TG: variants seen among roughly 807,000 people sequenced by gnomAD.
TG encodes the protein thyroid hormones.
In TG, 270 loss-of-function variants were observed where a neutral mutation model predicts 324.7. The ratio of observed to expected loss-of-function variants is 0.83; its 90% CI spans 0.75 to 0.92. TG has a LOEUF of 0.92. Among genes scored for constraint, TG ranks in the 40% least tolerant of loss-of-function variants. The pLI, the probability that TG is intolerant of heterozygous loss-of-function variation, is 0.00. For missense variants in TG, 3,591 were observed against 3,456.4 expected, an observed-to-expected ratio of 1.04 and a Z score of -0.98; for synonymous variants, 1,401 against 1,327.0, an observed-to-expected ratio of 1.06 and a Z score of -1.21.
At chr8:132,974,766 A>G (rs2091036) in intron 34 of TG, among the ~76,000 whole-genome samples, 24,890 of 152,230 alleles carry the variant, frequency 0.16, 2,559 homozygotes, top group Middle Eastern at 0.31. Context: ...GCCTTGTTCC[A>G]TAGCCATATC....
At chr8:133,060,265 C>A (rs763320026) in intron 41 of TG, 3 of 1,606,302 alleles carry the variant, frequency 1.9e-6, no homozygotes, top group Non-Finnish European at 2.6e-6. Flanking sequence ...GGAGAATGAC[C>A]CAGTTTAGAG....
intron 26 of TG, among the ~76,000 whole-genome samples, chr8:132,947,311 G>A (rs1825461507): frequency 6.6e-6 from 1 of 152,144 alleles, no homozygotes; most frequent in Admixed American, 6.5e-5. Flanking sequence ...TTGATACCTA[G>A]AAATGAGCAT....
At chr8:133,068,410 T>G (rs1242177969) in intron 41 of TG, among the ~76,000 whole-genome samples, 3 of 152,206 alleles carry the variant, frequency 2.0e-5, no homozygotes, top group Non-Finnish European at 2.9e-5. Context: ...GGTGTCCTAG[T>G]GTACATTTTA....
At chr8:132,936,928 A>G (rs1004687570) in intron 25 of TG, among the ~76,000 whole-genome samples, 1 of 152,176 alleles carries the variant, frequency 6.6e-6, no homozygotes, top group Admixed American at 6.5e-5. Flanking sequence ...TATGAGCTGC[A>G]TGGTCTTGGG....
At chr8:132,918,740 A>T (rs989294644) in intron 20 of TG, among the ~76,000 whole-genome samples, 6 of 152,176 alleles carry the variant, frequency 3.9e-5, no homozygotes, top group African/African-American at 1.4e-4. Context: ...AGTTCTCTCT[A>T]GTCTTATATG....
intron 43 of TG, among the ~76,000 whole-genome samples, chr8:133,102,070 T>C (rs56907796): frequency 0.092 from 14,011 of 152,270 alleles, 2,193 homozygotes; most frequent in African/African-American, 0.32. Flanking sequence ...TGGAAAATAG[T>C]TTGGCTTCAA....
At chr8:133,043,651 A>G (rs762498961) in intron 41 of TG, among the ~76,000 whole-genome samples, 4 of 152,068 alleles carry the variant, frequency 2.6e-5, no homozygotes, top group Non-Finnish European at 5.9e-5. Context: ...ACAAGGTGCA[A>G]ATCTGAGCTT....
At chr8:133,038,237 A>G in intron 41 of TG, 1 of 431,874 alleles carries the variant, frequency 2.3e-6, no homozygotes, top group Non-Finnish European at 4.3e-6. Flanking sequence ...TGTCCTTCCC[A>G]CACACACAAT....
intron 41 of TG, chr8:133,038,831 A>G: frequency 1.3e-6 from 1 of 751,412 alleles, no homozygotes; most frequent in South Asian, 1.7e-5. Context: ...GAACAGGAGG[A>G]AAAGAAAAAC....
At chr8:132,885,485 G>A (rs1210545837) in intron 8 of TG, among the ~76,000 whole-genome samples, 1 of 151,584 alleles carries the variant, frequency 6.6e-6, no homozygotes, top group Non-Finnish European at 1.5e-5. Context: ...TCTTATAATA[G>A]GAACCACTAA....
intron 37 of TG, among the ~76,000 whole-genome samples, chr8:133,016,646 C>G (rs753089508): frequency 3.9e-5 from 6 of 152,236 alleles, no homozygotes; most frequent in African/African-American, 1.4e-4. Context: ...TTCAGCAGAC[C>G]AAATCTACGT....
chr8:132,922,326 G>A (rs189235689), intron 21 of TG, among the ~76,000 whole-genome samples: 1 of 151,118 alleles, frequency 6.6e-6, no homozygotes, highest in Non-Finnish European at 1.5e-5. Context: ...GATTTGACTA[G>A]CATTTATTGA....
At chr8:133,001,872 C>A in intron 35 of TG, 3 of 985,424 alleles carry the variant, frequency 3.0e-6, no homozygotes, top group African/African-American at 3.5e-5. Context: ...GTGTGGAAAC[C>A]GCCTCTTCTA....
intron 41 of TG, among the ~76,000 whole-genome samples, 156 bp downstream of exon 41, chr8:133,030,179 T>C (rs1457302622): frequency 2.0e-5 from 3 of 152,250 alleles, no homozygotes; most frequent in Non-Finnish European, 4.4e-5. Context: ...CATGTATGTG[T>C]GATTCCACAA....
chr8:132,987,436 CTA>C (rs1041210129), intron 35 of TG, among the ~76,000 whole-genome samples: 2 of 146,026 alleles, frequency 1.4e-5, no homozygotes, highest in South Asian at 4.3e-4. Flanking sequence ...TATGTACTCT[CTA>C]TTCAGGGAGA....
At chr8:133,106,917 C>A (rs1016695138) in intron 43 of TG, among the ~76,000 whole-genome samples, 1 of 152,158 alleles carries the variant, frequency 6.6e-6, no homozygotes, top group African/African-American at 2.4e-5. Context: ...GTTGAAGGGA[C>A]GGTAGGATGA....
intron 38 of TG, among the ~76,000 whole-genome samples, chr8:133,018,335 C>T (rs1354544898): frequency 6.6e-6 from 1 of 152,046 alleles, no homozygotes; most frequent in African/African-American, 2.4e-5. Flanking sequence ...GGAAGAGAGG[C>T]TGTGAAATAA....
chr8:133,002,170 TC>T, intron 35 of TG: 1 of 985,452 alleles, frequency 1.0e-6, no homozygotes, highest in South Asian at 4.7e-5. Flanking sequence ...GGAGGCACTT[TC>T]CGCCTGTTTT....
intron 35 of TG, among the ~76,000 whole-genome samples, chr8:132,991,058 C>T (rs1023548114): frequency 7.3e-5 from 11 of 150,956 alleles, no homozygotes; most frequent in African/African-American, 2.7e-4. Context: ...TTTAGGGATG[C>T]TGAAGCTGGG....
Sources: gnomAD v4.1 joint callset for allele counts (sites outside exome capture counted in the v4.1 genomes callset) on GRCh38, gnomAD v4.1.1 for gene constraint, MANE v1.5 for transcripts, NCBI Gene and HGNC (gene_info 2026-07-23, HGNC 2026-07-21) for gene names.